TAF3: variants seen among roughly 807,000 people sequenced by gnomAD.
TAF3 encodes TATA-box binding protein associated factor 3.
In TAF3, 7 loss-of-function variants were observed where a neutral mutation model predicts 80.6. The observed-to-expected ratio is 0.09, with a 90% CI of 0.05 to 0.16. The LOEUF is 0.16. TAF3 is among the 10% of genes least tolerant of loss of function. The pLI, the probability that TAF3 is intolerant of heterozygous loss-of-function variation, is 1.00. For synonymous variants in TAF3, 444 were observed against 446.1 expected (o/e 1.00, Z 0.06); for missense variants, 921 against 1,140.2 (o/e 0.81, Z 2.77).
chr10:7,965,186 TGAAAGA>T lies in TAF3; in HGVS notation c.1689_1694del (p.Glu563_Lys564del), dbSNP rs750451523. On this transcript the variant is annotated inframe_deletion, in exon 3 of 7. Coordinates refer to ENST00000344293, the MANE Select transcript of TAF3 (RefSeq NM_031923.4). The stretch of plus-strand genomic sequence containing the variant: ...GACAAAAGTAAGGAGAAGGATAAAG[TGAAAGA>T]GAAAGAGAAAGACAAGGAAACTGGC... The T allele has an allele frequency of 6.2e-5, 99 of 1,605,616 alleles. No individual in the cohort carries two copies. The highest frequency in any genetic ancestry group is 5.6e-4 in the East Asian group (25 of 44,804).
At chr10:7,854,514 A>C (rs1588525167) in intron 2 of TAF3, among the ~76,000 whole-genome samples, 1 of 152,212 alleles carries the variant, frequency 6.6e-6, no homozygotes, top group Non-Finnish European at 1.5e-5. Context: ...AGTGAGTATA[A>C]TATGGATTCA....
chr10:7,835,055 A>G (rs191896119), intron 2 of TAF3, among the ~76,000 whole-genome samples: 2 of 152,200 alleles, frequency 1.3e-5, no homozygotes, highest in East Asian at 1.9e-4. Flanking sequence ...ATGTTTTGCT[A>G]TTTAGTCTTC....
At chr10:8,007,284 C>G (rs1832003750) in intron 4 of TAF3, among the ~76,000 whole-genome samples, 1 of 151,920 alleles carries the variant, frequency 6.6e-6, no homozygotes. Context: ...AAGCTAGTTG[C>G]AGAGGACAAC....
At chr10:7,951,705 C>T (rs1318958357) in intron 2 of TAF3, among the ~76,000 whole-genome samples, 4 of 152,208 alleles carry the variant, frequency 2.6e-5, no homozygotes, top group Non-Finnish European at 5.9e-5. Flanking sequence ...TCGTACTTCT[C>T]ATACTAAGTC....
chr10:8,008,717 C>T (rs551845378), intron 4 of TAF3, among the ~76,000 whole-genome samples: 1 of 152,120 alleles, frequency 6.6e-6, no homozygotes, highest in Admixed American at 6.5e-5. Flanking sequence ...CCTGTCAGGC[C>T]CCCCCGAGGA....
At chr10:8,007,225 C>A (rs1011135024) in intron 4 of TAF3, among the ~76,000 whole-genome samples, 3 of 152,010 alleles carry the variant, frequency 2.0e-5, no homozygotes, top group African/African-American at 7.3e-5. Flanking sequence ...TAATATAGAT[C>A]TCTATGTGTC....
chr10:7,885,273 C>CACACA (rs398012750), intron 2 of TAF3, among the ~76,000 whole-genome samples: 1 of 150,124 alleles, frequency 6.7e-6, no homozygotes, highest in African/African-American at 2.5e-5. Context: ...CACACACACA[C>CACACA]CCCCACACAC....
chr10:7,886,462 A>T (rs957537123), intron 2 of TAF3, among the ~76,000 whole-genome samples: 2 of 152,196 alleles, frequency 1.3e-5, no homozygotes, highest in Admixed American at 1.3e-4. Flanking sequence ...TCTTTACACA[A>T]AATATATAAT....
chr10:7,932,669 A>ATTTTTTTTTTTTTTTTT (rs34907761), intron 2 of TAF3, among the ~76,000 whole-genome samples: 5 of 78,820 alleles, frequency 6.3e-5, no homozygotes, highest in African/African-American at 2.9e-4. Flanking sequence ...GTTCCACTTA[A>ATTTTTTTTTTTTTTTTT]TTTTTTTTTT....
chr10:7,936,623 A>T (rs1465053079), intron 2 of TAF3, among the ~76,000 whole-genome samples: 2 of 151,888 alleles, frequency 1.3e-5, no homozygotes, highest in African/African-American at 2.4e-5. Flanking sequence ...CTCCCCCACT[A>T]TCAACATCCC....
At chr10:7,988,012 T>C (rs1386943869) in intron 4 of TAF3, among the ~76,000 whole-genome samples, 1 of 152,222 alleles carries the variant, frequency 6.6e-6, no homozygotes, top group South Asian at 2.1e-4. Context: ...TTGGAGTACA[T>C]GTATCAAATT....
intron 5 of TAF3, among the ~76,000 whole-genome samples, chr10:8,010,654 C>T (rs1197984678): frequency 6.6e-6 from 1 of 152,220 alleles, no homozygotes; most frequent in African/African-American, 2.4e-5. Flanking sequence ...CGCCTGTAAT[C>T]CCAGCACTTT....
Position 7,977,342 on chromosome 10 carries a change from A to C in TAF3, c.2315+19A>C, listed in dbSNP as rs903158900. 6.2e-7 allele frequency: 1 copy of C among 1,611,566 alleles called. No individual in the cohort carries two copies. Among genetic ancestry groups the C allele is most frequent in the African/African-American group, 1.3e-5 (1 of 74,878 alleles). ...ACAAGATGTAAGTATAAACGTTTTG[A>C]ATCAGGGTGAAACAAATGAAATTTA... On this transcript the variant is annotated intron_variant, in intron 4 of 6. Transcript: ENST00000344293.
intron 2 of TAF3, among the ~76,000 whole-genome samples, chr10:7,886,613 G>C (rs1478664719): frequency 1.3e-5 from 2 of 152,148 alleles, no homozygotes; most frequent in Non-Finnish European, 2.9e-5. Context: ...ATATCTCATG[G>C]GGTTAGTGTA....
intron 1 of TAF3, among the ~76,000 whole-genome samples, chr10:7,823,916 C>T (rs1261862268): frequency 2.0e-5 from 3 of 150,794 alleles, no homozygotes; most frequent in African/African-American, 7.3e-5. Flanking sequence ...CAGGCGTGAG[C>T]CATCGCGCCC....
intron 2 of TAF3, among the ~76,000 whole-genome samples, chr10:7,844,856 A>G (rs1269380313): frequency 6.6e-6 from 1 of 151,804 alleles, no homozygotes; most frequent in Non-Finnish European, 1.5e-5. Flanking sequence ...TGTATTTCCT[A>G]TTTTTAAAAG....
At chr10:7,910,530 G>C (rs923816757) in intron 2 of TAF3, among the ~76,000 whole-genome samples, 1 of 151,958 alleles carries the variant, frequency 6.6e-6, no homozygotes. Context: ...ACAGGTGCCC[G>C]CCATCACGCC....
rs373125256 is a variant in TAF3 at position 7,865,477 on chromosome 10, T to TCAAACAAA, written c.409+40938_409+40945dup. 5.0e-3 allele frequency among the ~76,000 whole-genome samples: 743 copies of TCAAACAAA among 147,286 alleles called. 8 individuals carry two copies. Among genetic ancestry groups the TCAAACAAA allele is most frequent in the Middle Eastern group, 0.032 (9 of 278 alleles). ...CTGGGGGACAGAGTGAGACTCCGTC[T>TCAAACAAA]CAAACAAACAAACAAACAAACAAAC... On this transcript the variant is annotated intron_variant, in intron 2 of 6. Coordinates refer to ENST00000344293, the MANE Select transcript of TAF3 (RefSeq NM_031923.4).
intron 3 of TAF3, among the ~76,000 whole-genome samples, chr10:7,967,728 TA>T (rs1433678004): frequency 6.6e-6 from 1 of 152,196 alleles, no homozygotes; most frequent in Non-Finnish European, 1.5e-5. Flanking sequence ...ATCTGACGCA[TA>T]AATGTCAGTA....
Sources: allele counts gnomAD v4.1 joint callset (sites outside exome capture counted in the v4.1 genomes callset), GRCh38; gene constraint gnomAD v4.1.1; transcripts MANE v1.5; gene names NCBI Gene and HGNC (gene_info 2026-07-23, HGNC 2026-07-21).